MTMR8: variants seen among roughly 807,000 people sequenced by gnomAD.
MTMR8 encodes the protein phosphatidylinositol-3,5-bisphosphate 3-phosphatase MTMR8.
A neutral mutation model predicts 39.3 loss-of-function variants in MTMR8; 65 were observed. That is an observed-to-expected ratio of 1.65 (90% CI 1.35 to 2.03). The LOEUF (loss-of-function observed/expected upper bound fraction) is 2.03, where lower values mean the gene tolerates loss of function less well. Ranked by LOEUF, MTMR8 falls within the 30% of genes most tolerant of loss-of-function variation. The pLI is 0.00. For synonymous variants in MTMR8, 245 were observed against 185.2 expected (o/e 1.32, Z -2.62); for missense variants, 777 against 538.9 (o/e 1.44, Z -4.37).
chrX:64,283,715 G>T (rs1000218830), intron 12 of MTMR8, among the ~76,000 whole-genome samples: 2 of 112,418 alleles, frequency 1.8e-5, no homozygotes, highest in Non-Finnish European at 3.8e-5. Flanking sequence ...GGCAAACAGG[G>T]TCTGGAGTGG....
intron 4 of MTMR8, among the ~76,000 whole-genome samples, chrX:64,352,418 C>T (rs369591239): frequency 2.0e-4 from 22 of 111,518 alleles, no homozygotes; most frequent in African/African-American, 7.2e-4. Flanking sequence ...ATGAATTTTC[C>T]TAGTAAATCA....
At chrX:64,309,219 T>A (rs1329075248) in intron 12 of MTMR8, among the ~76,000 whole-genome samples, 4 of 112,229 alleles carry the variant, frequency 3.6e-5, no homozygotes, top group Non-Finnish European at 7.5e-5. Context: ...TTGGCAATAT[T>A]GAATCTTTCT....
chrX:64,313,304 G>A (rs1922368786), intron 12 of MTMR8, among the ~76,000 whole-genome samples: 1 of 112,354 alleles, frequency 8.9e-6, no homozygotes, highest in Non-Finnish European at 1.9e-5. Flanking sequence ...GCTTCACCTT[G>A]CACTTTTGTG....
At chrX:64,375,681 G>A (rs1167723253) in intron 1 of MTMR8, among the ~76,000 whole-genome samples, 1 of 111,633 alleles carries the variant, frequency 9.0e-6, no homozygotes, top group Non-Finnish European at 1.9e-5. Flanking sequence ...ATGTGAGGAG[G>A]CAGCAAAAAG....
intron 1 of MTMR8, among the ~76,000 whole-genome samples, chrX:64,369,731 T>C (rs1376541418): frequency 9.0e-6 from 1 of 111,071 alleles, no homozygotes; most frequent in Non-Finnish European, 1.9e-5. Context: ...ACCTGCACAT[T>C]GTCCACATGT....
rs753721861 is a variant in MTMR8, at chrX:64,371,522, C to T, written c.25-11995G>A. Among the ~76,000 whole-genome samples the T allele has an allele frequency of 2.7e-5, 3 of 109,200 alleles. No homozygotes were observed. In the Admixed American group the frequency reaches 3.0e-4, roughly 11 times the overall value. 94.8% of individuals were successfully genotyped at this position (109,200 alleles called of 115,157 possible). On this transcript the variant is annotated intron_variant, in intron 1 of 13. Transcript: ENST00000374852. ...GAACATATAAGTATAAACCAGTATCCTTTGACCCAATACCCTACTGTTAGA... is the reference window on the plus strand; with the variant it reads ...GAACATATAAGTATAAACCAGTATCTTTTGACCCAATACCCTACTGTTAGA...
chrX:64,273,409 G>A (rs1328427184), intron 12 of MTMR8, among the ~76,000 whole-genome samples: 2 of 103,906 alleles, frequency 1.9e-5, no homozygotes, highest in Admixed American at 1.0e-4. Context: ...TAGTTACAAA[G>A]GAAATACCTA....
At chrX:64,328,022 A>T (rs1009753544) in intron 12 of MTMR8, among the ~76,000 whole-genome samples, 2 of 112,010 alleles carry the variant, frequency 1.8e-5, no homozygotes, top group Non-Finnish European at 3.8e-5. Flanking sequence ...AAAAAAATAC[A>T]ATAAATACTC....
intron 13 of MTMR8, among the ~76,000 whole-genome samples, chrX:64,269,801 A>G (rs12851222): frequency 9.0e-6 from 1 of 111,505 alleles, no homozygotes; most frequent in Non-Finnish European, 1.9e-5. Context: ...AAAAAAGTCA[A>G]CAGGGTTGTC....
At position 64,331,640 on chromosome X, in the gene MTMR8, G is replaced by T. The variant is rs778079099; in HGVS notation, c.1269C>A (p.Phe423Leu). Residue 423 changes from phenylalanine (F) to leucine (L), a missense_variant, in exon 11 of 14, where the codon TTC becomes TTA. Physicochemically the swap from Phe to Leu is conservative, Grantham distance 22. Transcript: ENST00000374852. ...FPCAFEFNEN[F>L]LLEIHDHVFS... ...AAACATGGTCATGAATCTCCAGCAG[G>T]AAGTTTTCATTAAACTCAAAGGCAC... is the stretch of plus-strand genomic sequence containing the variant. The T allele has an allele frequency of 3.3e-6, 4 of 1,210,537 alleles. No individual in the cohort carries two copies. The highest frequency in any genetic ancestry group is 4.5e-6 in the Non-Finnish European group (4 of 894,808).
At chrX:64,376,465 G>C (rs1924270918) in intron 1 of MTMR8, among the ~76,000 whole-genome samples, 2 of 112,200 alleles carry the variant, frequency 1.8e-5, no homozygotes, top group South Asian at 7.4e-4. Context: ...TTAGCAAAGA[G>C]ATTAGTGGCA....
At chrX:64,390,528 T>C (rs1924665476) in intron 1 of MTMR8, among the ~76,000 whole-genome samples, 1 of 112,244 alleles carries the variant, frequency 8.9e-6, no homozygotes, top group Admixed American at 9.5e-5. Context: ...TAAAAAACTC[T>C]AGCTCTCTGG....
At chrX:64,297,343 A>AT (rs1231791236) in intron 12 of MTMR8, among the ~76,000 whole-genome samples, 2 of 109,250 alleles carry the variant, frequency 1.8e-5, no homozygotes, top group East Asian at 2.9e-4. Flanking sequence ...GATGATGAGC[A>AT]TTTTTTCATG....
chrX:64,304,848 T>C (rs1922024586), intron 12 of MTMR8, among the ~76,000 whole-genome samples: 1 of 76,568 alleles, frequency 1.3e-5, no homozygotes, highest in African/African-American at 4.2e-5. Flanking sequence ...CTAAGCTTGA[T>C]GGATCAAACA....
chrX:64,391,890 C>G (rs1370953703), intron 1 of MTMR8, among the ~76,000 whole-genome samples: 2 of 112,009 alleles, frequency 1.8e-5, no homozygotes, highest in Non-Finnish European at 3.8e-5. Context: ...ACTCTTAAAC[C>G]ACAGCAAATT....
intron 8 of MTMR8, among the ~76,000 whole-genome samples, chrX:64,341,693 C>T (rs893600694): frequency 3.6e-5 from 4 of 111,160 alleles, no homozygotes; most frequent in African/African-American, 6.5e-5. Context: ...ATTTCAAGTG[C>T]TCAATTTCCA....
At chrX:64,275,160 C>A (rs1278033478) in intron 12 of MTMR8, among the ~76,000 whole-genome samples, 1 of 109,656 alleles carries the variant, frequency 9.1e-6, no homozygotes, top group East Asian at 2.8e-4. Flanking sequence ...CACATTGTAC[C>A]CCTGAAATAT....
intron 1 of MTMR8, among the ~76,000 whole-genome samples, chrX:64,368,773 C>T (rs950988378): frequency 1.8e-5 from 2 of 112,161 alleles, no homozygotes; most frequent in African/African-American, 3.2e-5. Flanking sequence ...TCTAATTAAA[C>T]TAAAGAGCTT....
chrX:64,377,131 A>G (rs1028091528), intron 1 of MTMR8, among the ~76,000 whole-genome samples: 1 of 112,544 alleles, frequency 8.9e-6, no homozygotes, highest in Non-Finnish European at 1.9e-5. Flanking sequence ...CTGGATGTCC[A>G]GGCAGAAGTC....
Sources: gnomAD v4.1 joint callset for allele counts (sites outside exome capture counted in the v4.1 genomes callset) on GRCh38, gnomAD v4.1.1 for gene constraint, MANE v1.5 for transcripts, NCBI Gene and HGNC (gene_info 2026-07-23, HGNC 2026-07-21) for gene names.